The following BMERB1 variants were observed in gnomAD, a reference collection of about 807,000 sequenced individuals.
The protein encoded by BMERB1 is bMERB domain containing 1.
Under a neutral mutation model 23.6 loss-of-function variants are expected in BMERB1, and 12 were observed. The ratio of observed to expected loss-of-function variants is 0.51; its 90% confidence interval spans 0.33 to 0.82. The LOEUF is 0.82. BMERB1 is among the 40% of genes least tolerant of loss of function. The pLI, the probability that BMERB1 is intolerant of heterozygous loss-of-function variation, is 0.03. For synonymous variants in BMERB1, 122 were observed against 96.6 expected, an observed-to-expected ratio of 1.26 and a Z score of -1.54; for missense variants, 247 against 255.4, an observed-to-expected ratio of 0.97 and a Z score of 0.22.
intron 1 of BMERB1, among the ~76,000 whole-genome samples, chr16:15,506,765 C>T (rs2051596660): frequency 6.6e-6 from 1 of 152,002 alleles, no homozygotes; most frequent in South Asian, 2.1e-4. Context: ...CTTGCTACCT[C>T]TAATTTTAGT....
At chr16:15,569,458 A>G (rs777235805) in intron 3 of BMERB1, among the ~76,000 whole-genome samples, 1 of 152,138 alleles carries the variant, frequency 6.6e-6, no homozygotes, top group Non-Finnish European at 1.5e-5. Context: ...AGAACTCACT[A>G]TCACAAGGAC....
intron 2 of BMERB1, among the ~76,000 whole-genome samples, chr16:15,539,716 A>AC (rs1268748513): frequency 5.9e-5 from 9 of 151,734 alleles, no homozygotes; most frequent in African/African-American, 2.2e-4. Flanking sequence ...GGTGGTGCAC[A>AC]CCTGTAGTCC....
intron 1 of BMERB1, among the ~76,000 whole-genome samples, chr16:15,479,287 A>T (rs142755734): frequency 6.6e-6 from 1 of 152,094 alleles, no homozygotes; most frequent in East Asian, 1.9e-4. Flanking sequence ...AAATGTGTCA[A>T]ATGTGGAAGA....
intron 3 of BMERB1, 41 bp from the exon 4 acceptor site, chr16:15,581,176 C>A: frequency 6.6e-7 from 1 of 1,515,806 alleles, no homozygotes; most frequent in Non-Finnish European, 9.0e-7. Context: ...CTCAGCCTCC[C>A]AAAATGCTCA....
intron 1 of BMERB1, among the ~76,000 whole-genome samples, chr16:15,453,320 TAG>T (rs1230463076): frequency 3.3e-5 from 5 of 152,154 alleles, no homozygotes; most frequent in Admixed American, 2.6e-4. Context: ...TGCAGCGAGG[TAG>T]AGTCTCACAC....
intron 1 of BMERB1, among the ~76,000 whole-genome samples, chr16:15,475,750 C>T (rs745467882): frequency 1.2e-4 from 19 of 152,188 alleles, no homozygotes; most frequent in Non-Finnish European, 1.9e-4. Flanking sequence ...CCCATGCTAC[C>T]CCAGCAGGGG....
intron 1 of BMERB1, among the ~76,000 whole-genome samples, chr16:15,442,525 TTA>T (rs1018457171): frequency 1.3e-5 from 2 of 152,122 alleles, no homozygotes; most frequent in Non-Finnish European, 2.9e-5. Context: ...GCTCATAACA[TTA>T]TGTTTTATTT....
chr16:15,568,115 C>A, intron 3 of BMERB1, 59 bp downstream of exon 3: 2 of 1,453,476 alleles, frequency 1.4e-6, no homozygotes, highest in Non-Finnish European at 1.9e-6. Flanking sequence ...CCAGCCTGGC[C>A]CATCTGTACG....
chr16:15,447,963 C>T (rs1381027017), intron 1 of BMERB1: 1 of 454,240 alleles, frequency 2.2e-6, no homozygotes, highest in Non-Finnish European at 4.4e-6. Flanking sequence ...GATCACGGCT[C>T]ACTTCAACCT....
At chr16:15,574,183 A>T (rs896070117) in intron 3 of BMERB1, among the ~76,000 whole-genome samples, 1 of 152,166 alleles carries the variant, frequency 6.6e-6, no homozygotes, top group African/African-American at 2.4e-5. Context: ...TGAACGCAGG[A>T]GGAACTGCCC....
At chr16:15,485,167 A>G (rs778053825) in intron 1 of BMERB1, among the ~76,000 whole-genome samples, 7 of 152,184 alleles carry the variant, frequency 4.6e-5, no homozygotes, top group Non-Finnish European at 1.0e-4. Context: ...ACTGATTACC[A>G]TGGTGGGGGA....
chr16:15,543,881 CT>C (rs2052108886), intron 2 of BMERB1, among the ~76,000 whole-genome samples: 1 of 152,074 alleles, frequency 6.6e-6, no homozygotes, highest in Non-Finnish European at 1.5e-5. Flanking sequence ...ACAAAAGAGT[CT>C]TTTGTTATGA....
At chr16:15,574,544 G>C (rs999932259) in intron 3 of BMERB1, among the ~76,000 whole-genome samples, 12 of 152,064 alleles carry the variant, frequency 7.9e-5, no homozygotes, top group African/African-American at 2.9e-4. Context: ...GATTAGGTCA[G>C]ATCTCTTTCA....
intron 1 of BMERB1, among the ~76,000 whole-genome samples, chr16:15,467,170 G>A (rs1235332409): frequency 1.3e-5 from 2 of 152,096 alleles, no homozygotes; most frequent in Non-Finnish European, 2.9e-5. Flanking sequence ...GCAAATTTTT[G>A]TGTGAACATA....
intron 5 of BMERB1, 142 bp from the exon 6 acceptor site, chr16:15,586,575 A>G (rs2031148932): frequency 2.8e-6 from 2 of 703,058 alleles, no homozygotes; most frequent in Non-Finnish European, 5.2e-6. Flanking sequence ...TCAGCTCTCC[A>G]TACCACCTGA....
intron 4 of BMERB1, among the ~76,000 whole-genome samples, chr16:15,582,765 T>C (rs1387030635): frequency 2.0e-5 from 3 of 152,128 alleles, no homozygotes; most frequent in Non-Finnish European, 4.4e-5. Flanking sequence ...ATCTTGGTGA[T>C]CCTTGGAAGA....
At chr16:15,444,119 C>CTTTTTTTTTTTTTTTTTT (rs1225982061) in intron 1 of BMERB1, among the ~76,000 whole-genome samples, 1 of 24,460 alleles carries the variant, frequency 4.1e-5, no homozygotes, top group African/African-American at 1.9e-4. Flanking sequence ...CAGGCACCAG[C>CTTTTTTTTTTTTTTTTTT]TTTGTTTTTT....
chr16:15,510,439 G>A (rs751578944), intron 1 of BMERB1, among the ~76,000 whole-genome samples: 17 of 152,168 alleles, frequency 1.1e-4, no homozygotes, highest in Admixed American at 9.8e-4. Flanking sequence ...AAGAGGTGAT[G>A]GGCAGAGCAG....
intron 1 of BMERB1, among the ~76,000 whole-genome samples, chr16:15,437,852 G>T (rs1026767817): frequency 6.6e-6 from 1 of 151,914 alleles, no homozygotes; most frequent in Non-Finnish European, 1.5e-5. Flanking sequence ...CAGCTGCCGG[G>T]GAGGCTGACA....
Sources: gnomAD v4.1 joint callset for allele counts (sites outside exome capture counted in the v4.1 genomes callset) on GRCh38, gnomAD v4.1.1 for gene constraint, MANE v1.5 for transcripts, NCBI Gene and HGNC (gene_info 2026-07-23, HGNC 2026-07-21) for gene names.